PEX5L: variants seen among roughly 807,000 people sequenced by gnomAD.
PEX5L encodes PEX5-related protein.
In PEX5L, 30 loss-of-function variants were observed where a neutral mutation model predicts 84.0. The ratio of observed to expected loss-of-function variants is 0.36; its 90% confidence interval spans 0.27 to 0.48. The LOEUF is 0.48. PEX5L is among the 20% of genes least tolerant of loss of function. PEX5L has a pLI of 0.99. For missense variants in PEX5L, 533 were observed against 754.6 expected, an observed-to-expected ratio of 0.71 and a Z score of 3.44; for synonymous variants, 270 against 283.1, an observed-to-expected ratio of 0.95 and a Z score of 0.46.
intron 9 of PEX5L, among the ~76,000 whole-genome samples, chr3:179,819,306 T>C (rs1205517343): frequency 6.6e-6 from 1 of 152,198 alleles, no homozygotes; most frequent in African/African-American, 2.4e-5. Context: ...TTCACTGTAC[T>C]TGTGCATTTG....
chr3:179,854,999 G>A (rs1332759779), intron 8 of PEX5L, among the ~76,000 whole-genome samples: 1 of 152,188 alleles, frequency 6.6e-6, no homozygotes, highest in African/African-American at 2.4e-5. Flanking sequence ...AAATTTGAAT[G>A]TCAAGAAGGA....
chr3:179,971,204 A>T (rs561370185), intron 2 of PEX5L, among the ~76,000 whole-genome samples: 20 of 123,954 alleles, frequency 1.6e-4, no homozygotes, highest in Non-Finnish European at 2.8e-4. Context: ...TCTCTCTCTC[A>T]ATTATATCCA....
chr3:179,905,491 T>TCTCGATCTCCTGAC (rs1227818534), intron 2 of PEX5L, among the ~76,000 whole-genome samples: 2 of 152,038 alleles, frequency 1.3e-5, no homozygotes, highest in African/African-American at 4.8e-5. Context: ...GCCAGGATGG[T>TCTCGATCTCCTGAC]CTCGTGATCC....
chr3:180,005,540 A>G (rs1256251680), intron 1 of PEX5L, among the ~76,000 whole-genome samples: 1 of 152,194 alleles, frequency 6.6e-6, no homozygotes, highest in East Asian at 1.9e-4. Flanking sequence ...CATTCTGGCT[A>G]ACATGGTGAA....
At chr3:180,026,317 C>G (rs1579401217) in intron 1 of PEX5L, among the ~76,000 whole-genome samples, 1 of 151,778 alleles carries the variant, frequency 6.6e-6, no homozygotes. Context: ...CTTAAGAAGA[C>G]TTTCTTTTTG....
At chr3:180,010,391 G>T (rs1789351984) in intron 1 of PEX5L, among the ~76,000 whole-genome samples, 2 of 151,722 alleles carry the variant, frequency 1.3e-5, no homozygotes, top group South Asian at 4.2e-4. Flanking sequence ...AACTGGGAGG[G>T]TGCTAGTGGC....
intron 1 of PEX5L, among the ~76,000 whole-genome samples, chr3:179,992,246 T>C (rs9844416): frequency 0.13 from 20,118 of 152,230 alleles, 1,535 homozygotes; most frequent in African/African-American, 0.2. Context: ...ATGCCAGGTA[T>C]ATTATTTAAT....
At chr3:179,986,181 T>TATATATAA (rs58775648) in intron 1 of PEX5L, among the ~76,000 whole-genome samples, 275 of 149,942 alleles carry the variant, frequency 1.8e-3, no homozygotes, top group East Asian at 3.5e-3. Context: ...TATATATATA[T>TATATATAA]AACTTTATGT....
intron 3 of PEX5L, chr3:179,896,192 T>A (rs1051586884): frequency 6.6e-6 from 1 of 152,138 alleles, no homozygotes; most frequent in African/African-American, 2.4e-5. Context: ...GTATATCAAC[T>A]AATAAAACTG....
intron 2 of PEX5L, among the ~76,000 whole-genome samples, chr3:179,942,017 C>CAAAAAA (rs11447396): frequency 2.9e-4 from 26 of 88,942 alleles, no homozygotes; most frequent in Non-Finnish European, 4.1e-4. Flanking sequence ...TGAGACTCCT[C>CAAAAAA]AAAAAAAAAA....
intron 1 of PEX5L, among the ~76,000 whole-genome samples, chr3:179,999,303 T>C (rs188691992): frequency 3.4e-4 from 52 of 152,302 alleles, no homozygotes; most frequent in Non-Finnish European, 6.6e-4. Context: ...ATGTTAATAA[T>C]CAAGTGGATA....
chr3:179,852,089 C>T (rs550093063), intron 8 of PEX5L, among the ~76,000 whole-genome samples: 7 of 152,142 alleles, frequency 4.6e-5, no homozygotes, highest in Non-Finnish European at 5.9e-5. Flanking sequence ...TCAAGCAACA[C>T]GCGTTTACTA....
chr3:179,884,122 T>C (rs1466111005), intron 4 of PEX5L, among the ~76,000 whole-genome samples: 4 of 152,224 alleles, frequency 2.6e-5, no homozygotes, highest in African/African-American at 9.7e-5. Context: ...TTGGCAATAT[T>C]AAGTAACTTG....
intron 2 of PEX5L, among the ~76,000 whole-genome samples, chr3:179,912,831 G>A (rs186156171): frequency 2.6e-5 from 4 of 152,058 alleles, no homozygotes; most frequent in Middle Eastern, 3.4e-3. Flanking sequence ...AAACCAGCTC[G>A]TTTAAAGGAT....
chr3:179,815,767 T>C, intron 10 of PEX5L, 94 bp downstream of exon 10: 1 of 1,379,358 alleles, frequency 7.2e-7, no homozygotes, highest in Non-Finnish European at 1.0e-6. Context: ...GAACCTTTAC[T>C]TGATGAAAAG....
intron 1 of PEX5L, among the ~76,000 whole-genome samples, chr3:179,993,161 T>C (rs1178678283): frequency 6.6e-6 from 1 of 152,210 alleles, no homozygotes; most frequent in Non-Finnish European, 1.5e-5. Flanking sequence ...GTGTATGCTC[T>C]TCCAGAGTTT....
chr3:180,032,577 G>C (rs1264392215), intron 1 of PEX5L, among the ~76,000 whole-genome samples: 3 of 152,202 alleles, frequency 2.0e-5, no homozygotes, highest in Non-Finnish European at 4.4e-5. Context: ...GGGTGAGCCG[G>C]GAGCTGCGGT....
intron 2 of PEX5L, among the ~76,000 whole-genome samples, chr3:179,923,665 C>A (rs1205750340): frequency 6.6e-6 from 1 of 152,182 alleles, no homozygotes; most frequent in Non-Finnish European, 1.5e-5. Context: ...CAAAATTGAA[C>A]TCCTAGCTTT....
intron 2 of PEX5L, chr3:179,921,500 T>C (rs775392770): frequency 6.6e-6 from 1 of 152,232 alleles, no homozygotes; most frequent in Non-Finnish European, 1.5e-5. Flanking sequence ...TTGGAGTTCA[T>C]CTGAAGTTTT....
Sources: gnomAD v4.1 joint callset for allele counts (sites outside exome capture counted in the v4.1 genomes callset) on GRCh38, gnomAD v4.1.1 for gene constraint, MANE v1.5 for transcripts, NCBI Gene and HGNC (gene_info 2026-07-23, HGNC 2026-07-21) for gene names.